NXPE2: variants seen among roughly 807,000 people sequenced by gnomAD.
The protein encoded by NXPE2 is neurexophilin and PC-esterase domain family member 2.
In NXPE2, 34 loss-of-function variants were observed where a neutral mutation model predicts 34.4. That is an observed-to-expected ratio of 0.99 (90% CI 0.75 to 1.31). NXPE2 has a LOEUF of 1.31. Among genes scored for constraint, NXPE2 ranks in the 40% most tolerant of loss-of-function variants. The probability of loss-of-function intolerance (pLI) is 0.00; values close to 1 mark genes in which losing one functional copy is unlikely to be tolerated. For missense variants in NXPE2, 649 were observed against 672.5 expected, an observed-to-expected ratio of 0.97 and a Z score of 0.39; for synonymous variants, 235 against 231.3, an observed-to-expected ratio of 1.02 and a Z score of -0.15.
At chr11:114,671,341 G>A in the NXPE2 span, among the ~76,000 whole-genome samples, 1 of 124,352 alleles carries the variant, frequency 8.0e-6, no homozygotes, top group African/African-American at 2.8e-5. Context: ...GAGGAATTAG[G>A]AGAGGATAGG....
chr11:114,641,735 A>C, the NXPE2 span, among the ~76,000 whole-genome samples: 2 of 152,122 alleles, frequency 1.3e-5, no homozygotes, highest in African/African-American at 4.8e-5. Context: ...GAGCACACTG[A>C]AAGTGGGCAA....
the NXPE2 span, among the ~76,000 whole-genome samples, chr11:114,806,697 G>C: frequency 2.0e-5 from 3 of 152,078 alleles, no homozygotes; most frequent in East Asian, 1.9e-4. Flanking sequence ...TATGTGAAAA[G>C]ACCAAATCTA....
the NXPE2 span, among the ~76,000 whole-genome samples, chr11:114,500,329 TG>T: frequency 3.3e-5 from 5 of 152,116 alleles, no homozygotes; most frequent in African/African-American, 1.2e-4. Flanking sequence ...TAGCATATCA[TG>T]TGTTTTTAAT....
chr11:114,714,471 G>A, the NXPE2 span, among the ~76,000 whole-genome samples: 1 of 152,196 alleles, frequency 6.6e-6, no homozygotes. Flanking sequence ...GTAGCCTAAG[G>A]AGGAGTGGGA....
At chr11:114,567,545 A>G in the NXPE2 span, among the ~76,000 whole-genome samples, 54 of 152,094 alleles carry the variant, frequency 3.6e-4, no homozygotes, top group Middle Eastern at 6.8e-3. Flanking sequence ...GGCATACCAC[A>G]TAGAGATTCC....
chr11:114,776,582 G>A, the NXPE2 span, among the ~76,000 whole-genome samples: 2 of 152,226 alleles, frequency 1.3e-5, no homozygotes, highest in Non-Finnish European at 2.9e-5. Flanking sequence ...GCGCACATCT[G>A]GGAGAAGCCT....
the NXPE2 span, among the ~76,000 whole-genome samples, chr11:114,524,950 C>A: frequency 6.6e-6 from 1 of 152,086 alleles, no homozygotes; most frequent in South Asian, 2.1e-4. Flanking sequence ...TCCTGATTAA[C>A]CCCGGTTTAT....
chr11:114,697,998 C>G, intron 2 of NXPE2, 47 bp from the exon 3 acceptor site: 2 of 1,422,606 alleles, frequency 1.4e-6, no homozygotes, highest in South Asian at 3.2e-5. Context: ...GAAAAGCAAG[C>G]CCTATTGTTT....
At chr11:114,490,943 A>G in the NXPE2 span, among the ~76,000 whole-genome samples, 2 of 151,090 alleles carry the variant, frequency 1.3e-5, no homozygotes, top group African/African-American at 2.4e-5. Flanking sequence ...CGGGTGGATC[A>G]TGAGGTCAGG....
chr11:114,725,993 A>ATATATATATATATATATATATAT, the NXPE2 span, among the ~76,000 whole-genome samples: 8 of 127,352 alleles, frequency 6.3e-5, no homozygotes, highest in Non-Finnish European at 8.6e-5. Flanking sequence ...ATATATATAT[A>ATATATATATATATATATATATAT]AAAAGAAAAA....
chr11:114,636,133 A>G, the NXPE2 span, among the ~76,000 whole-genome samples: 2 of 151,788 alleles, frequency 1.3e-5, no homozygotes, highest in African/African-American at 4.8e-5. Context: ...TATTGCCACA[A>G]TTTCAGAGCC....
chr11:114,582,489 T>C, the NXPE2 span: 10 of 1,614,060 alleles, frequency 6.2e-6, no homozygotes, highest in South Asian at 6.6e-5. Context: ...GGAAGTGCCA[T>C]TGACAAACTG....
chr11:114,785,108 A>G, the NXPE2 span, among the ~76,000 whole-genome samples: 1 of 152,236 alleles, frequency 6.6e-6, no homozygotes, highest in African/African-American at 2.4e-5. Context: ...TCCGTAGCTG[A>G]CACTCTCCCA....
At chr11:114,590,311 T>C in the NXPE2 span, among the ~76,000 whole-genome samples, 1 of 152,316 alleles carries the variant, frequency 6.6e-6, no homozygotes, top group African/African-American at 2.4e-5. Flanking sequence ...AAAACCTTGG[T>C]AAAGTACCTT....
the NXPE2 span, among the ~76,000 whole-genome samples, chr11:114,639,077 C>A: frequency 1.1e-4 from 16 of 152,098 alleles, no homozygotes; most frequent in African/African-American, 3.6e-4. Context: ...GAGGTGGAGC[C>A]TACAGAGGCA....
At chr11:114,654,342 AT>A in the NXPE2 span, among the ~76,000 whole-genome samples, 614 of 148,714 alleles carry the variant, frequency 4.1e-3, 4 homozygotes, top group South Asian at 0.032. Context: ...GATCCCAACT[AT>A]TTTTTTTTTA....
the NXPE2 span, among the ~76,000 whole-genome samples, chr11:114,489,968 C>T: frequency 1.3e-5 from 2 of 152,174 alleles, no homozygotes; most frequent in African/African-American, 2.4e-5. Flanking sequence ...CCCGTCGTCT[C>T]AGCCCAAAAT....
At chr11:114,801,355 G>A in the NXPE2 span, among the ~76,000 whole-genome samples, 1 of 152,176 alleles carries the variant, frequency 6.6e-6, no homozygotes, top group East Asian at 1.9e-4. Context: ...ATGAGCAAAT[G>A]CAAGGCCTTA....
At chr11:114,474,608 G>A in the NXPE2 span, among the ~76,000 whole-genome samples, 49 of 152,180 alleles carry the variant, frequency 3.2e-4, no homozygotes, top group East Asian at 6.2e-3. Flanking sequence ...GGAGGGATGC[G>A]GACAAAGCCT....
Sources: gnomAD v4.1 joint callset for allele counts (sites outside exome capture counted in the v4.1 genomes callset) on GRCh38, gnomAD v4.1.1 for gene constraint, MANE v1.5 for transcripts, NCBI Gene and HGNC (gene_info 2026-07-23, HGNC 2026-07-21) for gene names.